The following SNX29 variants were observed in gnomAD, a reference collection of about 807,000 sequenced individuals.
SNX29 encodes sorting nexin 29.
In SNX29, 78 loss-of-function variants were observed where a neutral mutation model predicts 102.1. The observed-to-expected ratio is 0.76, with a 90% CI of 0.64 to 0.92. The LOEUF (loss-of-function observed/expected upper bound fraction) is 0.92. Ranked by LOEUF, SNX29 falls within the 40% of genes least tolerant of loss-of-function variation. The probability of loss-of-function intolerance (pLI) is 0.00; values close to 1 mark genes in which losing one functional copy is unlikely to be tolerated. For missense variants in SNX29, 1,280 were observed against 1,061.7 expected, an observed-to-expected ratio of 1.21 and a Z score of -2.86; for synonymous variants, 580 against 414.5, an observed-to-expected ratio of 1.40 and a Z score of -4.85.
rs1332710343 is a variant in SNX29, at chr16:12,572,028, G to T, written c.*3399G>T. On this transcript the variant is annotated 3_prime_UTR_variant, in exon 21 of 21. Coordinates refer to ENST00000566228, the MANE Select transcript of SNX29 (RefSeq NM_032167.5). Reference sequence around the variant, plus strand: ...CTAGGGAGCTGCTGGCTATAAAAGGGATCATCCAGTGGAGTTGTAAACAAG... The same window carrying T: ...CTAGGGAGCTGCTGGCTATAAAAGGTATCATCCAGTGGAGTTGTAAACAAG... 4 of 1,063,018 alleles carry T rather than the reference G, an allele frequency of 3.8e-6. No individual in the cohort carries two copies. The highest frequency in any genetic ancestry group is 4.6e-6 in the Non-Finnish European group (4 of 877,948). 65.8% of individuals were successfully genotyped at this position (1,063,018 alleles called of 1,614,324 possible).
At chr16:12,512,448 C>T (rs1331816687) in intron 19 of SNX29, among the ~76,000 whole-genome samples, 1 of 138,686 alleles carries the variant, frequency 7.2e-6, no homozygotes, top group African/African-American at 2.6e-5. Context: ...GGGTCTCCCT[C>T]TGTTGCCCAG....
At chr16:12,245,038 G>A (rs1567351855) in intron 14 of SNX29, among the ~76,000 whole-genome samples, 1 of 152,188 alleles carries the variant, frequency 6.6e-6, no homozygotes, top group Non-Finnish European at 1.5e-5. Context: ...GTCTGAAAGG[G>A]CATAGTTTTC....
chr16:12,254,752 G>A (rs2078520009), intron 14 of SNX29, among the ~76,000 whole-genome samples: 1 of 152,162 alleles, frequency 6.6e-6, no homozygotes, highest in Non-Finnish European at 1.5e-5. Flanking sequence ...CAGCTGTGTT[G>A]TGGCTGCCGA....
chr16:12,482,231 C>T lies in SNX29; in HGVS notation c.2178+4372C>T, dbSNP rs140521457. On this transcript the variant is annotated intron_variant, in intron 19 of 20. Transcript: ENST00000566228. ...CATTGTGGCACACGTCTAGACAAGA[C>T]GTGTTTGGGTTGATTTAATTAATTT... Among the ~76,000 whole-genome samples, 100 of 152,274 alleles carry T rather than the reference C, an allele frequency of 6.6e-4. No individual in the cohort carries two copies. The East Asian group carries it at 7.1e-3, about 11-fold the overall frequency.
chr16:12,273,944 A>T (rs2150998286), intron 14 of SNX29, among the ~76,000 whole-genome samples: 1 of 152,314 alleles, frequency 6.6e-6, no homozygotes, highest in Non-Finnish European at 1.5e-5. Flanking sequence ...TGAATAGTAC[A>T]ACCCTGCATG....
chr16:11,988,899 G>T (rs140690719), intron 1 of SNX29, among the ~76,000 whole-genome samples: 134 of 152,314 alleles, frequency 8.8e-4, no homozygotes, highest in African/African-American at 3.1e-3. Context: ...CTGTGACAGA[G>T]AGTGTATGGC....
chr16:12,385,029 G>A (rs1157522568), intron 16 of SNX29, among the ~76,000 whole-genome samples: 1 of 152,230 alleles, frequency 6.6e-6, no homozygotes, highest in East Asian at 1.9e-4. Flanking sequence ...AAGTAGCTGG[G>A]CATGGCGGCG....
At chr16:12,400,953 G>C (rs956043476) in intron 17 of SNX29, among the ~76,000 whole-genome samples, 5 of 152,154 alleles carry the variant, frequency 3.3e-5, no homozygotes, top group African/African-American at 1.2e-4. Context: ...CTCCCGAGTA[G>C]CTGGGATTAC....
chr16:12,554,963 G>C (rs1161493576), intron 20 of SNX29, among the ~76,000 whole-genome samples: 2 of 151,970 alleles, frequency 1.3e-5, no homozygotes, highest in African/African-American at 2.4e-5. Context: ...CAATGGAGGT[G>C]GTGAGGGGGG....
chr16:12,384,191 G>T (rs1209773444), intron 16 of SNX29, among the ~76,000 whole-genome samples: 2 of 152,194 alleles, frequency 1.3e-5, no homozygotes, highest in African/African-American at 4.8e-5. Context: ...TGGGAGTGTG[G>T]ATCTCTCTTC....
intron 20 of SNX29, among the ~76,000 whole-genome samples, chr16:12,548,211 C>T (rs758779620): frequency 2.6e-5 from 4 of 152,210 alleles, no homozygotes; most frequent in African/African-American, 7.2e-5. Context: ...CACAAGGCCA[C>T]GCTGGATCCT....
chr16:12,097,221 C>T (rs1013651919), intron 11 of SNX29, among the ~76,000 whole-genome samples: 16 of 152,356 alleles, frequency 1.1e-4, no homozygotes, highest in African/African-American at 3.1e-4. Flanking sequence ...TGAGAGCTTG[C>T]GGTGATCCCC....
intron 20 of SNX29, among the ~76,000 whole-genome samples, chr16:12,547,760 C>T (rs1166946990): frequency 1.3e-5 from 2 of 152,186 alleles, no homozygotes; most frequent in African/African-American, 2.4e-5. Flanking sequence ...TGTGAAGCTG[C>T]AGCTGCTCAC....
chr16:12,167,488 C>A (rs1022359386), intron 13 of SNX29, among the ~76,000 whole-genome samples: 1 of 152,208 alleles, frequency 6.6e-6, no homozygotes, highest in Non-Finnish European at 1.5e-5. Context: ...CCCACCACCA[C>A]CACCATCATC....
chr16:12,496,289 G>A (rs2088817683), intron 19 of SNX29, among the ~76,000 whole-genome samples: 1 of 152,194 alleles, frequency 6.6e-6, no homozygotes, highest in African/African-American at 2.4e-5. Flanking sequence ...GTCAGGGGTT[G>A]TGTTTCCGTG....
intron 18 of SNX29, among the ~76,000 whole-genome samples, chr16:12,423,459 C>G (rs2084944523): frequency 6.6e-6 from 1 of 152,294 alleles, no homozygotes; most frequent in Non-Finnish European, 1.5e-5. Flanking sequence ...CTTTGGGGCT[C>G]AGGCAAACCC....
At chr16:12,438,151 AG>A (rs1306272605) in intron 18 of SNX29, among the ~76,000 whole-genome samples, 4 of 151,790 alleles carry the variant, frequency 2.6e-5, no homozygotes, top group Non-Finnish European at 4.4e-5. Context: ...GGGCAGGAGT[AG>A]GGGGGCATCT....
intron 18 of SNX29, among the ~76,000 whole-genome samples, chr16:12,404,181 A>G (rs1373609951): frequency 6.6e-6 from 1 of 152,170 alleles, no homozygotes; most frequent in Admixed American, 6.5e-5. Context: ...TTCCAAAAGA[A>G]GGGGCAATGG....
chr16:12,542,099 C>T (rs530591733), intron 20 of SNX29, among the ~76,000 whole-genome samples: 1 of 152,088 alleles, frequency 6.6e-6, no homozygotes, highest in Non-Finnish European at 1.5e-5. Context: ...ATTGTCTCTT[C>T]CCAACGGATC....
Sources: allele counts gnomAD v4.1 joint callset (sites outside exome capture counted in the v4.1 genomes callset), GRCh38; gene constraint gnomAD v4.1.1; transcripts MANE v1.5; gene names NCBI Gene and HGNC (gene_info 2026-07-23, HGNC 2026-07-21).